MBOAT2: variants seen among roughly 807,000 people sequenced by gnomAD.
The protein encoded by MBOAT2 is membrane-bound glycerophospholipid O-acyltransferase 2.
Under a neutral mutation model 63.4 loss-of-function variants are expected in MBOAT2, and 28 were observed. The ratio of observed to expected loss-of-function variants is 0.44; its 90% CI spans 0.33 to 0.61. MBOAT2 has a LOEUF of 0.61. Ranked by LOEUF, MBOAT2 falls within the 20% of genes least tolerant of loss-of-function variation. The pLI is 0.03. For synonymous variants in MBOAT2, 211 were observed against 215.6 expected (o/e 0.98, Z 0.19); for missense variants, 470 against 605.8 (o/e 0.78, Z 2.35).
chr2:8,933,797 A>C (rs1256457755), intron 3 of MBOAT2, among the ~76,000 whole-genome samples: 1 of 152,160 alleles, frequency 6.6e-6, no homozygotes, highest in African/African-American at 2.4e-5. Context: ...GCCTTTATTT[A>C]GCAAAAACGT....
chr2:8,943,083 A>G, intron 3 of MBOAT2, 104 bp downstream of exon 3: 1 of 623,744 alleles, frequency 1.6e-6, no homozygotes, highest in Non-Finnish European at 2.5e-6. Flanking sequence ...TTAAAAAATT[A>G]TCACAATTCA....
chr2:8,897,180 T>C (rs1664543780), intron 4 of MBOAT2, among the ~76,000 whole-genome samples: 1 of 152,112 alleles, frequency 6.6e-6, no homozygotes. Flanking sequence ...TGTGTCTCTT[T>C]CTCTCTTTTT....
chr2:8,981,320 T>C (rs1037179413), intron 1 of MBOAT2, among the ~76,000 whole-genome samples: 1 of 152,186 alleles, frequency 6.6e-6, no homozygotes, highest in African/African-American at 2.4e-5. Context: ...GTGAGTTGTA[T>C]GGTACATGAA....
chr2:8,956,986 A>G (rs1573164508), intron 2 of MBOAT2, among the ~76,000 whole-genome samples: 1 of 152,222 alleles, frequency 6.6e-6, no homozygotes, highest in Admixed American at 6.5e-5. Context: ...GAGTTGGCCA[A>G]TATGAACTAC....
chr2:8,885,258 G>A (rs78420109), intron 5 of MBOAT2, among the ~76,000 whole-genome samples: 6 of 152,266 alleles, frequency 3.9e-5, no homozygotes, highest in Admixed American at 6.5e-5. Flanking sequence ...GGGTGGCTGC[G>A]ATAGTGGCAC....
chr2:8,954,139 T>C (rs1356412720), intron 2 of MBOAT2, among the ~76,000 whole-genome samples: 4 of 152,056 alleles, frequency 2.6e-5, no homozygotes, highest in Non-Finnish European at 5.9e-5. Flanking sequence ...TCTTAATGAG[T>C]GTGACTGTAG....
At chr2:8,997,775 G>A (rs1431178583) in intron 1 of MBOAT2, among the ~76,000 whole-genome samples, 1 of 152,100 alleles carries the variant, frequency 6.6e-6, no homozygotes, top group African/African-American at 2.4e-5. Flanking sequence ...AAAATTTAGT[G>A]TTTTGCCAAA....
intron 1 of MBOAT2, among the ~76,000 whole-genome samples, chr2:8,976,648 A>G (rs1670832171): frequency 6.6e-6 from 1 of 152,166 alleles, no homozygotes; most frequent in Non-Finnish European, 1.5e-5. Flanking sequence ...GATGAATACC[A>G]GAACAAGGAA....
intron 1 of MBOAT2, among the ~76,000 whole-genome samples, chr2:8,976,204 C>A (rs1334593211): frequency 6.6e-6 from 1 of 151,996 alleles, no homozygotes; most frequent in Non-Finnish European, 1.5e-5. Flanking sequence ...TGCATGGAAA[C>A]AGAAGCAGAA....
At chr2:8,904,358 C>A (rs1050617836) in intron 4 of MBOAT2, among the ~76,000 whole-genome samples, 1 of 151,094 alleles carries the variant, frequency 6.6e-6, no homozygotes, top group Non-Finnish European at 1.5e-5. Context: ...GTTACCCAGG[C>A]TGGAGTACAG....
chr2:8,959,772 A>C (rs1669486049), intron 1 of MBOAT2, among the ~76,000 whole-genome samples: 1 of 151,958 alleles, frequency 6.6e-6, no homozygotes, highest in African/African-American at 2.4e-5. Context: ...CAAAATCTCC[A>C]TTTCTCCCTT....
intron 1 of MBOAT2, among the ~76,000 whole-genome samples, chr2:8,969,394 C>T (rs1403895471): frequency 2.0e-5 from 3 of 152,162 alleles, no homozygotes; most frequent in South Asian, 2.1e-4. Context: ...AGAGGAACAA[C>T]CAGTACTAGC....
Position 8,855,522 on chromosome 2 carries a change from T to C in MBOAT2, c.*3157A>G, listed in dbSNP as rs373296718. The C allele has an allele frequency of 1.3e-5, 2 of 152,252 alleles. No individual in the cohort carries two copies. Among genetic ancestry groups the C allele is most frequent in the East Asian group, 3.8e-4 (2 of 5,200 alleles). The allele number at this position is 152,252 out of a possible 1,614,324, so 9.4% of individuals were successfully genotyped here. On this transcript the variant is annotated 3_prime_UTR_variant, in exon 13 of 13. Transcript: ENST00000305997. ...CACATGGTGGAGACCAATAAATATA[T>C]TTTTGAAGCAAATGGGCAGTAGTGG...
intron 3 of MBOAT2, among the ~76,000 whole-genome samples, chr2:8,915,229 G>A (rs752870221): frequency 1.4e-4 from 22 of 152,054 alleles, no homozygotes; most frequent in African/African-American, 3.9e-4. Flanking sequence ...ATGAGCCACC[G>A]TGCCCAGCCG....
intron 3 of MBOAT2, among the ~76,000 whole-genome samples, chr2:8,933,820 T>C (rs1427096573): frequency 1.3e-5 from 2 of 152,198 alleles, no homozygotes; most frequent in East Asian, 3.9e-4. Flanking sequence ...ATTAGTCTTA[T>C]CAACCCTCTA....
At position 8,862,559 on chromosome 2, in the gene MBOAT2, T is replaced by C. The variant is rs1177802622; in HGVS notation, c.1185+31A>G. 2.5e-6 allele frequency: 4 copies of C among 1,597,194 alleles called. No individual in the cohort carries two copies. Among genetic ancestry groups the C allele is most frequent in the Non-Finnish European group, 3.4e-6 (4 of 1,173,278 alleles). Reference sequence around the variant, plus strand: ...CTTTTTAACAGTTCAAGTGGACCATTGAATTGTAAAATAAAATTCTTGATA... The same window carrying C: ...CTTTTTAACAGTTCAAGTGGACCATCGAATTGTAAAATAAAATTCTTGATA... On this transcript the variant is annotated intron_variant, in intron 11 of 12. Coordinates refer to ENST00000305997, the MANE Select transcript of MBOAT2 (RefSeq NM_138799.4). The surrounding 1 kb of genome is among the most constrained non-coding windows in gnomAD (Gnocchi z 4.3).
intron 4 of MBOAT2, among the ~76,000 whole-genome samples, chr2:8,889,972 A>G (rs1324898499): frequency 6.6e-6 from 1 of 151,954 alleles, no homozygotes; most frequent in Non-Finnish European, 1.5e-5. Flanking sequence ...GGCTGGGAGG[A>G]CGGGTAAGGT....
At position 8,888,683 on chromosome 2, in the gene MBOAT2, C is replaced by T. The variant is rs1663750516; in HGVS notation, c.396-610G>A. 2.0e-5 allele frequency among the ~76,000 whole-genome samples: 3 copies of T among 152,198 alleles called. No individual in the cohort carries two copies. The South Asian group carries it at 6.2e-4, about 32-fold the overall frequency. On this transcript the variant is annotated intron_variant, in intron 4 of 12. Transcript: ENST00000305997. ...AAAACACATCCACATAAGAAAACCACCAGGATGCATCTTAACCTTTAAAGA... is the reference window on the plus strand; with the variant it reads ...AAAACACATCCACATAAGAAAACCATCAGGATGCATCTTAACCTTTAAAGA...
At chr2:8,976,338 G>A (rs1413535092) in intron 1 of MBOAT2, among the ~76,000 whole-genome samples, 1 of 151,882 alleles carries the variant, frequency 6.6e-6, no homozygotes. Flanking sequence ...CCTATGAACT[G>A]AGAAGGAATT....
Sources: gnomAD v4.1 joint callset for allele counts (sites outside exome capture counted in the v4.1 genomes callset) on GRCh38, gnomAD v4.1.1 for gene constraint, Gnocchi (gnomAD v3.1) non-coding constraint, MANE v1.5 for transcripts, NCBI Gene and HGNC (gene_info 2026-07-23, HGNC 2026-07-21) for gene names.